NRP1: variants seen among roughly 807,000 people sequenced by gnomAD.
NRP1 encodes neuropilin 1.
A neutral mutation model predicts 106.7 loss-of-function variants in NRP1; 35 were observed. That is an observed-to-expected ratio of 0.33 (90% CI 0.25 to 0.43). The LOEUF (loss-of-function observed/expected upper bound fraction) is 0.43, where lower values mean the gene tolerates loss of function less well. Among genes scored for constraint, NRP1 ranks in the 20% least tolerant of loss-of-function variants. The pLI, the probability that NRP1 is intolerant of heterozygous loss-of-function variation, is 1.00. For missense variants in NRP1, 1,024 were observed against 1,170.4 expected (o/e 0.87, Z 1.83); for synonymous variants, 437 against 417.9 (o/e 1.05, Z -0.56).
chr10:33,192,515 C>A, intron 12 of NRP1, 97 bp from the exon 13 acceptor site: 2 of 1,262,886 alleles, frequency 1.6e-6, no homozygotes, highest in Admixed American at 2.1e-5. Flanking sequence ...ATGGAAAGCA[C>A]GATTTATACA....
chr10:33,311,389 T>A (rs59215199), intron 2 of NRP1, among the ~76,000 whole-genome samples: 1 of 152,268 alleles, frequency 6.6e-6, no homozygotes, highest in African/African-American at 2.4e-5. Flanking sequence ...ATGAAGATAA[T>A]GAGGTTCTGC....
At chr10:33,299,232 G>T (rs1022613995) in intron 2 of NRP1, among the ~76,000 whole-genome samples, 1 of 151,978 alleles carries the variant, frequency 6.6e-6, no homozygotes, top group South Asian at 2.1e-4. Flanking sequence ...AGCAGTCCCT[G>T]CCCCCCTGAC....
chr10:33,186,512 A>T lies in NRP1; in HGVS notation c.2063-24T>A, dbSNP rs755902474. On this transcript the variant is annotated intron_variant, in intron 13 of 16. Transcript: ENST00000374867. ...TCCTGCTGTGACAAAGAACTGTGTT[A>T]GGGAGAGTGGCCAGGATTACCACAC... The T allele has an allele frequency of 2.5e-6, 4 of 1,588,270 alleles. No individual in the cohort carries two copies. The East Asian group carries it at 9.0e-5, about 36-fold the overall frequency.
At chr10:33,279,384 G>A (rs1290977030) in intron 2 of NRP1, among the ~76,000 whole-genome samples, 1 of 152,208 alleles carries the variant, frequency 6.6e-6, no homozygotes, top group African/African-American at 2.4e-5. Flanking sequence ...TCTTGCAGCT[G>A]CAGGGCTGAA....
intron 9 of NRP1, among the ~76,000 whole-genome samples, chr10:33,209,892 C>A (rs1450593485): frequency 6.6e-6 from 1 of 152,230 alleles, no homozygotes; most frequent in East Asian, 1.9e-4. Flanking sequence ...GCTAGTAGAC[C>A]TGGTAGATCA....
chr10:33,241,680 T>A (rs115776104), intron 6 of NRP1, among the ~76,000 whole-genome samples: 1 of 151,754 alleles, frequency 6.6e-6, no homozygotes, highest in Non-Finnish European at 1.5e-5. Context: ...GGGTGCATCT[T>A]TGACAGAAAA....
At position 33,180,378 on chromosome 10, in the gene NRP1, AC is replaced by A; in HGVS notation, c.2483-14del. On this transcript the variant is annotated splice_polypyrimidine_tract_variant and intron_variant, in intron 16 of 16. Coordinates refer to ENST00000374867, the MANE Select transcript of NRP1 (RefSeq NM_003873.7). ...CCTGGCGTGCTCCCTATGGAAAAAAACAATATTGTCTCCGTGAGCACCGCCA... is the reference window on the plus strand; with the variant it reads ...CCTGGCGTGCTCCCTATGGAAAAAAAAATATTGTCTCCGTGAGCACCGCCA... 6.4e-7 allele frequency: 1 copy of A among 1,566,624 alleles called. No homozygotes were observed. Among genetic ancestry groups the A allele is most frequent in the Non-Finnish European group, 8.7e-7 (1 of 1,153,630 alleles).
chr10:33,206,170 G>A (rs762365370), intron 10 of NRP1: 9 of 515,846 alleles, frequency 1.7e-5, no homozygotes, highest in Admixed American at 3.9e-5. Flanking sequence ...AATCAGCATC[G>A]CCTTCCAGAA....
chr10:33,202,171 G>C (rs933949931), intron 11 of NRP1: 1 of 153,130 alleles, frequency 6.5e-6, no homozygotes, highest in Non-Finnish European at 1.5e-5. Flanking sequence ...GAAAACCCTA[G>C]TGCCTTGGCC....
chr10:33,242,747 A>G (rs1822508612), intron 6 of NRP1, among the ~76,000 whole-genome samples: 3 of 152,136 alleles, frequency 2.0e-5, no homozygotes, highest in African/African-American at 7.2e-5. Flanking sequence ...CTTTGGGTCT[A>G]CCTGGGTCTT....
chr10:33,330,438 A>G (rs2132967425), intron 2 of NRP1, among the ~76,000 whole-genome samples: 1 of 152,246 alleles, frequency 6.6e-6, no homozygotes, highest in Middle Eastern at 3.4e-3. Flanking sequence ...CATACTGTAT[A>G]CATTTCTTAA....
chr10:33,333,160 TTGCTTTCC>T (rs1314158907), intron 1 of NRP1, among the ~76,000 whole-genome samples: 1 of 152,210 alleles, frequency 6.6e-6, no homozygotes, highest in African/African-American at 2.4e-5. Context: ...TTTTTGTGTC[TTGCTTTCC>T]TGCCAGATTA....
At chr10:33,196,927 T>C (rs1336067486) in intron 12 of NRP1, among the ~76,000 whole-genome samples, 2 of 152,160 alleles carry the variant, frequency 1.3e-5, no homozygotes, top group South Asian at 2.1e-4. Context: ...AGTCTAATGA[T>C]TAACTTTAAA....
intron 7 of NRP1, among the ~76,000 whole-genome samples, chr10:33,223,894 G>A (rs1365112590): frequency 6.6e-6 from 1 of 152,222 alleles, no homozygotes; most frequent in Non-Finnish European, 1.5e-5. Flanking sequence ...GGAGAGTTGT[G>A]TGCCCTGGTG....
chr10:33,202,143 C>G (rs1044418660), intron 11 of NRP1: 1 of 152,386 alleles, frequency 6.6e-6, no homozygotes, highest in Non-Finnish European at 1.5e-5. Context: ...CCCACGATAC[C>G]TTTTGCAACC....
chr10:33,184,637 A>G (rs1835890725), intron 15 of NRP1, among the ~76,000 whole-genome samples: 1 of 152,286 alleles, frequency 6.6e-6, no homozygotes, highest in South Asian at 2.1e-4. Context: ...TCTTGTGAAG[A>G]TTTGCTAAAT....
chr10:33,253,062 C>T (rs768589437), intron 6 of NRP1, among the ~76,000 whole-genome samples: 2 of 148,258 alleles, frequency 1.3e-5, no homozygotes, highest in Non-Finnish European at 3.0e-5. Flanking sequence ...TAGCAATAAA[C>T]GTAAGACAGG....
intron 3 of NRP1, among the ~76,000 whole-genome samples, chr10:33,266,837 C>T (rs898962435): frequency 1.3e-5 from 2 of 152,152 alleles, no homozygotes; most frequent in African/African-American, 4.8e-5. Context: ...CGTGTACCAT[C>T]CTGGCTAACA....
chr10:33,213,224 T>G, intron 9 of NRP1, 162 bp downstream of exon 9: 3 of 1,560,896 alleles, frequency 1.9e-6, no homozygotes, highest in Non-Finnish European at 2.6e-6. Flanking sequence ...CATGCCATAT[T>G]CCTGTCTTCC....
Sources: allele counts gnomAD v4.1 joint callset (sites outside exome capture counted in the v4.1 genomes callset), GRCh38; gene constraint gnomAD v4.1.1; transcripts MANE v1.5; gene names NCBI Gene and HGNC (gene_info 2026-07-23, HGNC 2026-07-21).